Variants in OPCML observed in about 807,000 individuals in gnomAD.
OPCML encodes the protein opioid-binding protein/cell adhesion molecule.
In OPCML, 13 loss-of-function variants were observed where a neutral mutation model predicts 37.8. The ratio of observed to expected loss-of-function variants is 0.34; its 90% CI spans 0.22 to 0.55. The LOEUF (loss-of-function observed/expected upper bound fraction) is 0.55, where lower values mean the gene tolerates loss of function less well. Among genes scored for constraint, OPCML ranks in the 20% least tolerant of loss-of-function variants. The pLI, the probability that OPCML is intolerant of heterozygous loss-of-function variation, is 0.91. For missense variants in OPCML, 341 were observed against 435.6 expected (o/e 0.78, Z 1.93); for synonymous variants, 176 against 168.8 (o/e 1.04, Z -0.33).
intron 2 of OPCML, among the ~76,000 whole-genome samples, chr11:132,865,129 A>C (rs1942478368): frequency 6.6e-6 from 1 of 152,250 alleles, no homozygotes; most frequent in South Asian, 2.1e-4. Flanking sequence ...TGAAATTTTG[A>C]AAATGAGATT....
At chr11:133,410,954 C>G (rs1945639124) in intron 1 of OPCML, among the ~76,000 whole-genome samples, 1 of 152,088 alleles carries the variant, frequency 6.6e-6, no homozygotes, top group Non-Finnish European at 1.5e-5. Context: ...GGCATGGTGC[C>G]CAAAAGTTAC....
At chr11:133,167,266 A>G (rs1393521181) in intron 1 of OPCML, among the ~76,000 whole-genome samples, 1 of 152,122 alleles carries the variant, frequency 6.6e-6, no homozygotes, top group Non-Finnish European at 1.5e-5. Context: ...TATATTATCA[A>G]TATTGTTATT....
chr11:133,139,183 G>A (rs893683072), intron 1 of OPCML, among the ~76,000 whole-genome samples: 6 of 152,326 alleles, frequency 3.9e-5, no homozygotes, highest in African/African-American at 1.4e-4. Context: ...TAAGCAAAAT[G>A]TGAGAACAAT....
intron 1 of OPCML, among the ~76,000 whole-genome samples, chr11:133,136,828 CGTGTGTGTGTGTGTGTGTGTGT>C (rs141952561): frequency 7.9e-5 from 10 of 126,372 alleles, no homozygotes; most frequent in South Asian, 5.8e-4. Context: ...TCTATGTGCA[CGTGTGTGTGTGTGTGTGTGTGT>C]GTGTGTGTGT....
intron 4 of OPCML, among the ~76,000 whole-genome samples, chr11:132,473,303 G>A (rs1328662249): frequency 2.6e-5 from 4 of 152,182 alleles, no homozygotes; most frequent in African/African-American, 9.7e-5. Context: ...AAGAGCCCTC[G>A]AGCTACTGTG....
intron 2 of OPCML, among the ~76,000 whole-genome samples, chr11:132,785,721 C>T (rs1947187821): frequency 6.6e-6 from 1 of 152,042 alleles, no homozygotes; most frequent in Non-Finnish European, 1.5e-5. Context: ...TGCTTAGGAC[C>T]CACTCCAGAC....
intron 2 of OPCML, among the ~76,000 whole-genome samples, chr11:132,897,147 G>A (rs1429009327): frequency 1.3e-5 from 2 of 152,212 alleles, no homozygotes; most frequent in East Asian, 1.9e-4. Context: ...TATCCAAGAT[G>A]TCAGTGGCAG....
intron 2 of OPCML, among the ~76,000 whole-genome samples, chr11:132,738,989 C>A (rs761947113): frequency 3.9e-4 from 60 of 152,050 alleles, no homozygotes; most frequent in Non-Finnish European, 5.9e-4. Flanking sequence ...GAAAAAAAAG[C>A]CTCCCACCCG....
chr11:132,693,561 T>G (rs9971380), intron 2 of OPCML, among the ~76,000 whole-genome samples: 81,220 of 152,014 alleles, frequency 0.53, 22,004 homozygotes, highest in African/African-American at 0.6. Context: ...AAATTCAGCT[T>G]AAGGATGATG....
At chr11:132,616,403 G>A (rs1385079028) in intron 3 of OPCML, among the ~76,000 whole-genome samples, 2 of 152,328 alleles carry the variant, frequency 1.3e-5, no homozygotes, top group Non-Finnish European at 2.9e-5. Context: ...TTAGAAGCAA[G>A]ATGGAGTCAG....
At chr11:132,733,866 G>A (rs761794086) in intron 2 of OPCML, among the ~76,000 whole-genome samples, 31 of 152,276 alleles carry the variant, frequency 2.0e-4, no homozygotes, top group Non-Finnish European at 4.0e-4. Flanking sequence ...TTGAAGGCAG[G>A]TGTACTGAGA....
chr11:132,673,738 T>G (rs1300397121), intron 2 of OPCML, among the ~76,000 whole-genome samples: 1 of 152,002 alleles, frequency 6.6e-6, no homozygotes, highest in African/African-American at 2.4e-5. Flanking sequence ...CAGGGAGAAT[T>G]TTTCCACCCA....
At chr11:133,170,751 C>T (rs116418616) in intron 1 of OPCML, among the ~76,000 whole-genome samples, 3,045 of 152,262 alleles carry the variant, frequency 0.02, 98 homozygotes, top group African/African-American at 0.067. Flanking sequence ...AGCCACAGGC[C>T]TACAAAGCCC....
At chr11:132,853,683 A>G (rs1941915628) in intron 2 of OPCML, among the ~76,000 whole-genome samples, 1 of 152,228 alleles carries the variant, frequency 6.6e-6, no homozygotes, top group Non-Finnish European at 1.5e-5. Context: ...CTTTTCATGT[A>G]CATAGAATTG....
At chr11:132,960,212 A>G (rs1187866726) in intron 1 of OPCML, among the ~76,000 whole-genome samples, 2 of 152,220 alleles carry the variant, frequency 1.3e-5, no homozygotes, top group African/African-American at 2.4e-5. Flanking sequence ...TAGCCGGCCC[A>G]ATAACCGTAA....
At chr11:132,548,968 A>G (rs1036058956) in intron 3 of OPCML, among the ~76,000 whole-genome samples, 4 of 152,178 alleles carry the variant, frequency 2.6e-5, no homozygotes, top group Non-Finnish European at 5.9e-5. Context: ...GCCACCCAGG[A>G]TTGTCAGAAG....
intron 2 of OPCML, among the ~76,000 whole-genome samples, chr11:132,723,913 G>T (rs1254057710): frequency 2.0e-5 from 3 of 152,198 alleles, no homozygotes; most frequent in African/African-American, 4.8e-5. Flanking sequence ...AGAGGAAGTT[G>T]GTTCCCAGGC....
chr11:132,553,520 C>T (rs2096387213), intron 3 of OPCML, among the ~76,000 whole-genome samples: 2 of 152,134 alleles, frequency 1.3e-5, no homozygotes, highest in South Asian at 4.1e-4. Flanking sequence ...CACAGAAGGG[C>T]ATAGCTGAGT....
At chr11:133,249,842 G>A (rs1407948465) in intron 1 of OPCML, among the ~76,000 whole-genome samples, 1 of 152,174 alleles carries the variant, frequency 6.6e-6, no homozygotes, top group Non-Finnish European at 1.5e-5. Context: ...ATGCTAGAAG[G>A]CAGTCCAACA....
Sources: gnomAD v4.1 joint callset for allele counts (sites outside exome capture counted in the v4.1 genomes callset) on GRCh38, gnomAD v4.1.1 for gene constraint, MANE v1.5 for transcripts, NCBI Gene and HGNC (gene_info 2026-07-23, HGNC 2026-07-21) for gene names.